HOXA1: variants seen among roughly 807,000 people sequenced by gnomAD.
HOXA1 encodes the protein homeobox A1, also known as homeobox protein Hox-A1.
HOXA1 carries 21 observed loss-of-function variants against 28.3 expected under a neutral mutation model. The observed-to-expected ratio is 0.74, with a 90% CI of 0.53 to 1.07. HOXA1 has a LOEUF of 1.07. Among genes scored for constraint, HOXA1 ranks in the 50% least tolerant of loss-of-function variants. The pLI is 0.00. For missense variants in HOXA1, 446 were observed against 434.3 expected (o/e 1.03, Z -0.24); for synonymous variants, 208 against 181.2 (o/e 1.15, Z -1.19).
Position 27,095,885 on chromosome 7 carries a change from G to A in HOXA1, c.28C>T (p.Leu10=), listed in dbSNP as rs370355386. The A allele has an allele frequency of 6.2e-7, 1 of 1,613,660 alleles. No homozygotes were observed. The highest frequency in any genetic ancestry group is 2.2e-5 in the East Asian group (1 of 44,894). Residue 10 remains leucine, a synonymous_variant, in exon 1 of 2, where the codon CTG becomes TTG. Coordinates refer to ENST00000643460, the MANE Select transcript of HOXA1 (RefSeq NM_005522.5). The part of the protein sequence containing the change: MDNARMNSF[L]EYPILSSGDS... ...CCACTGCTAAGTATGGGGTATTCCAGGAAGGAGTTCATTCTTGCATTGTCC... is the reference window on the plus strand; with the variant it reads ...CCACTGCTAAGTATGGGGTATTCCAAGAAGGAGTTCATTCTTGCATTGTCC...
rs1195883631 is a variant in HOXA1, at chr7:27,094,863, ACG to A, written c.653-70_653-69del. On this transcript the variant is annotated intron_variant, in intron 1 of 1. Coordinates refer to ENST00000643460, the MANE Select transcript of HOXA1 (RefSeq NM_005522.5). ...TTTAAATCGACTTGAGATTCCCCAC[ACG>A]CTTCATGGCAACACTCAGGTAAAGA... 3.9e-5 allele frequency: 45 copies of A among 1,154,322 alleles called. 1 individual carries two copies. In the Admixed American group the frequency reaches 7.6e-4, roughly 20 times the overall value. 71.5% of individuals were successfully genotyped at this position (1,154,322 alleles called of 1,614,324 possible).
chr7:27,095,162 G>T (rs1783788653), intron 1 of HOXA1, 99 bp downstream of exon 1: 1 of 1,331,698 alleles, frequency 7.5e-7, no homozygotes. Flanking sequence ...TGATACAAAA[G>T]CCTTTTAAAA....
rs750312129 is a variant in HOXA1, at chr7:27,095,738, C to A, written c.175G>T (p.Val59Leu). The A allele has an allele frequency of 2.2e-5, 36 of 1,612,150 alleles. No individual in the cohort carries two copies. Among genetic ancestry groups the A allele is most frequent in the Non-Finnish European group, 2.6e-5 (31 of 1,178,984 alleles). The change falls in exon 1 of 2, where the codon GTG becomes TTG. Residue 59 changes from valine to leucine, a missense_variant. Coordinates refer to ENST00000643460, the MANE Select transcript of HOXA1 (RefSeq NM_005522.5). ...GDDRFLVGRG[V>L]QIGSPHHHHH... ...TGGTGGTGGGGCGAACCGATCTGCA[C>A]CCCCCTGCCCACTAGGAAGCGGTCG...
In HOXA1 at chr7:27,095,263, G is replaced by C; in HGVS notation, c.650C>G (p.Thr217Arg). 1 of 1,614,102 alleles carries C rather than the reference G, an allele frequency of 6.2e-7. No homozygotes were observed. The highest frequency in any genetic ancestry group is 8.5e-7 in the Non-Finnish European group (1 of 1,180,006). The change falls in exon 1 of 2, where the codon ACA (threonine) becomes AGA (arginine). Residue 217 changes from threonine to arginine, a missense_variant and splice_region_variant. Transcript: ENST00000643460. ...WMKVKRNPPK[T>R]GKVGEYGYLG... ...ATCCACCAACCAGCAGGACTGACCT[G>C]TTTTGGGAGGGTTTCTTTTGACTTT...
In HOXA1 at chr7:27,094,758, G is replaced by T; in HGVS notation, c.690C>A (p.Asn230Lys). The change falls in exon 2 of 2, where the codon AAC becomes AAA. Residue 230 changes from asparagine (N) to lysine (K), a missense_variant. By Grantham distance (94) the Asn-to-Lys change is moderately conservative. Transcript: ENST00000643460. Reference protein sequence around the residue: ...VGEYGYLGQPNAVRTNFTTKQ... With the variant: ...VGEYGYLGQPKAVRTNFTTKQ... The stretch of plus-strand genomic sequence containing the variant: ...TGGTAGTGAAGTTGGTGCGCACCGC[G>T]TTGGGTTGACCCAGGTAGCCGTACT... The T allele has an allele frequency of 1.2e-6, 2 of 1,614,088 alleles. No individual in the cohort carries two copies. The highest frequency in any genetic ancestry group is 2.2e-5 in the South Asian group (2 of 91,082).
chr7:27,095,694 GCGA>G lies in HOXA1; in HGVS notation c.216_218del (p.Arg73del), dbSNP rs368428758. ...TCTGGTAGGTAGCCGGCTGGGGGTG[GCGA>G]TGGTGGTGGTGGTGGTGGTGGTGGG... is the stretch of plus-strand genomic sequence containing the variant. On this transcript the variant is annotated inframe_deletion, in exon 1 of 2. Coordinates refer to ENST00000643460, the MANE Select transcript of HOXA1 (RefSeq NM_005522.5). 0.039 allele frequency: 50,388 copies of G among 1,302,078 alleles called. 824 individuals carry two copies. Among genetic ancestry groups the G allele is most frequent in the Middle Eastern group, 0.049 (243 of 5,006 alleles). 80.7% of individuals were successfully genotyped at this position (1,302,078 alleles called of 1,614,324 possible).
chr7:27,094,516 G>A lies in HOXA1; in HGVS notation c.932C>T (p.Ser311Leu). Reference sequence around the variant, plus strand: ...GCAGGGCGAAGAGCTGGACTTCTCTGAGGATTCCTCGGCCTTCTCGTCGTT... The same window carrying A: ...GCAGGGCGAAGAGCTGGACTTCTCTAAGGATTCCTCGGCCTTCTCGTCGTT... ...PGNDEKAEESSEKSSSSPCVP... is the reference protein window; with the variant it reads ...PGNDEKAEESLEKSSSSPCVP... The change falls in exon 2 of 2, where the codon TCA becomes TTA. Residue 311 changes from serine (S) to leucine (L), a missense_variant. By Grantham distance (145) the Ser-to-Leu change is moderately radical. Coordinates refer to ENST00000643460, the MANE Select transcript of HOXA1 (RefSeq NM_005522.5). The A allele has an allele frequency of 1.9e-6, 3 of 1,614,238 alleles. No individual in the cohort carries two copies. The highest frequency in any genetic ancestry group is 2.5e-6 in the Non-Finnish European group (3 of 1,180,040).
Position 27,095,927 on chromosome 7 carries a change from C to T in HOXA1, c.-15G>A. On this transcript the variant is annotated 5_prime_UTR_variant, in exon 1 of 2. Coordinates refer to ENST00000643460, the MANE Select transcript of HOXA1 (RefSeq NM_005522.5). ...GCATTGTCCATCTGTCACTGAGTGA[C>T]CTGGTCCTGCGAAGCCCGGCGTGAC... 1.9e-6 allele frequency: 3 copies of T among 1,611,542 alleles called. No individual in the cohort carries two copies. The highest frequency in any genetic ancestry group is 1.7e-4 in the Middle Eastern group (1 of 6,020).
chr7:27,095,800 T>C lies in HOXA1; in HGVS notation c.113A>G (p.Gln38Arg). The change falls in exon 1 of 2, where the codon CAG (glutamine) becomes CGG (arginine). Residue 38 changes from glutamine to arginine, a missense_variant. Coordinates refer to ENST00000643460, the MANE Select transcript of HOXA1 (RefSeq NM_005522.5). ...ACTGTTGGCGCTGACCGCGCACGACTGGAAAGTTGTAATCCTATGGTCCGA... is the reference window on the plus strand; with the variant it reads ...ACTGTTGGCGCTGACCGCGCACGACCGGAAAGTTGTAATCCTATGGTCCGA... The part of the protein sequence containing the change: ...YPSDHRITTF[Q>R]SCAVSANSCG... The C allele has an allele frequency of 6.2e-7, 1 of 1,613,792 alleles. No individual in the cohort carries two copies. Among genetic ancestry groups the C allele is most frequent in the Non-Finnish European group, 8.5e-7 (1 of 1,179,778 alleles).
rs755351481 is a variant in HOXA1, at chr7:27,094,744, T to C, written c.704A>G (p.Asn235Ser). 9.3e-6 allele frequency: 15 copies of C among 1,614,108 alleles called. 1 individual carries two copies. The highest frequency in any genetic ancestry group is 8.3e-5 in the Admixed American group (5 of 60,026). The change falls in exon 2 of 2, where the codon AAC becomes AGC. Residue 235 changes from asparagine (N) to serine (S), a missense_variant. By Grantham distance (46) the Asn-to-Ser change is conservative. Transcript: ENST00000643460. ...TTCCGTGAGCTGCTTGGTAGTGAAG[T>C]TGGTGCGCACCGCGTTGGGTTGACC... ...YLGQPNAVRTNFTTKQLTELE... is the reference protein window; with the variant it reads ...YLGQPNAVRTSFTTKQLTELE...
chr7:27,095,363 G>A lies in HOXA1; in HGVS notation c.550C>T (p.His184Tyr). 6.2e-7 allele frequency: 1 copy of A among 1,614,030 alleles called. No individual in the cohort carries two copies. Among genetic ancestry groups the A allele is most frequent in the Non-Finnish European group, 8.5e-7 (1 of 1,179,990 alleles). Residue 184 changes from histidine to tyrosine, a missense_variant, in exon 1 of 2, where the codon CAC becomes TAC. Transcript: ENST00000643460. ...CGACAGGCTTCTTGGTGGCTGGCGT[G>A]GAGAGGGGACAAGGAGTTATTATAC... ...ATYNNSLSPLHASHQEACRSP... is the reference protein window; with the variant it reads ...ATYNNSLSPLYASHQEACRSP...
At chr7:27,095,036 AC>A (rs1343444365) in intron 1 of HOXA1, among the ~76,000 whole-genome samples, 3 of 151,776 alleles carry the variant, frequency 2.0e-5, no homozygotes, top group Non-Finnish European at 4.4e-5. Context: ...CACAATAACC[AC>A]CCCCACATAC....
chr7:27,095,333 G>A lies in HOXA1; in HGVS notation c.580C>T (p.Pro194Ser). 7.4e-6 allele frequency: 12 copies of A among 1,614,012 alleles called. No individual in the cohort carries two copies. The highest frequency in any genetic ancestry group is 9.3e-6 in the Non-Finnish European group (11 of 1,179,990). Residue 194 changes from proline to serine, a missense_variant, in exon 1 of 2, where the codon CCC (proline) becomes TCC (serine). By Grantham distance (74) the Pro-to-Ser change is moderately conservative. Transcript: ENST00000643460. Reference sequence around the variant, plus strand: ...GCTGGAGAAGATGTCTCCGATGCGGGGGAGCGACAGGCTTCTTGGTGGCTG... The same window carrying A: ...GCTGGAGAAGATGTCTCCGATGCGGAGGAGCGACAGGCTTCTTGGTGGCTG... The part of the protein sequence containing the change: ...HASHQEACRS[P>S]ASETSSPAQT...
At position 27,094,738 on chromosome 7, in the gene HOXA1, G is replaced by A. The variant is rs767117973; in HGVS notation, c.710C>T (p.Thr237Ile). ...CTCCAGTTCCGTGAGCTGCTTGGTA[G>A]TGAAGTTGGTGCGCACCGCGTTGGG... Reference protein sequence around the residue: ...GQPNAVRTNFTTKQLTELEKE... With the variant: ...GQPNAVRTNFITKQLTELEKE... The change falls in exon 2 of 2, where the codon ACT becomes ATT. Residue 237 changes from threonine to isoleucine, a missense_variant. By Grantham distance (89) the Thr-to-Ile change is moderately conservative. Coordinates refer to ENST00000643460, the MANE Select transcript of HOXA1 (RefSeq NM_005522.5). 5 of 1,614,056 alleles carry A rather than the reference G, an allele frequency of 3.1e-6. No individual in the cohort carries two copies. The East Asian group carries it at 1.1e-4, about 36-fold the overall frequency.
rs757562002 is a variant in HOXA1, at chr7:27,094,409, G to T, written c.*31C>A. The T allele has an allele frequency of 2.1e-6, 3 of 1,438,840 alleles. No homozygotes were observed. The highest frequency in any genetic ancestry group is 2.9e-6 in the Non-Finnish European group (3 of 1,020,650). 89.1% of individuals were successfully genotyped at this position (1,438,840 alleles called of 1,614,324 possible). A position where few individuals can be genotyped will look rare whatever the true frequency, so the allele number is the denominator to read the frequency against. On this transcript the variant is annotated 3_prime_UTR_variant, in exon 2 of 2. Transcript: ENST00000643460. ...GTAAGAAGTCCCAGCCCAAGGAGAT[G>T]CCTGGGCTGTTGTCTGGGGCTGGAG...
Position 27,094,477 on chromosome 7 carries a change from C to T in HOXA1, c.971G>A (p.Gly324Glu). 6.2e-7 allele frequency: 1 copy of T among 1,614,138 alleles called. No homozygotes were observed. Among genetic ancestry groups the T allele is most frequent in the Non-Finnish European group, 8.5e-7 (1 of 1,180,014 alleles). Residue 324 changes from glycine (G) to glutamate (E), a missense_variant, in exon 2 of 2, where the codon GGG becomes GAG. Transcript: ENST00000643460. ...SSSSPCVPSP[G>E]SSTSDTLTTS... is the part of the protein sequence containing the mutation. ...AGTCAGAGTGTCTGAGGTAGAAGAC[C>T]CCGGGGAAGGAACGCAGGGCGAAGA...
chr7:27,095,814 C>T lies in HOXA1; in HGVS notation c.99G>A (p.Arg33=), dbSNP rs768882831. 2 of 1,613,886 alleles carry T rather than the reference C, an allele frequency of 1.2e-6. No individual in the cohort carries two copies. The highest frequency in any genetic ancestry group is 2.7e-5 in the African/African-American group (2 of 74,896). The part of the protein sequence containing the change: ...CSARAYPSDH[R]ITTFQSCAVS... ...CCGCGCACGACTGGAAAGTTGTAATCCTATGGTCCGAGGGGTAGGCTCGGG... is the reference window on the plus strand; with the variant it reads ...CCGCGCACGACTGGAAAGTTGTAATTCTATGGTCCGAGGGGTAGGCTCGGG... The change falls in exon 1 of 2, where the codon AGG becomes AGA. Residue 33 remains arginine, a synonymous_variant. Transcript: ENST00000643460.
chr7:27,094,259 C>T lies in HOXA1; in HGVS notation c.*181G>A, dbSNP rs145102625. The T allele has an allele frequency of 5.3e-3, 3,199 of 607,168 alleles. 17 individuals carry two copies. The highest frequency in any genetic ancestry group is 7.8e-3 in the Non-Finnish European group (2,655 of 341,140). 37.6% of individuals were successfully genotyped at this position (607,168 alleles called of 1,614,324 possible). A position where few individuals can be genotyped will look rare whatever the true frequency, so the allele number is the denominator to read the frequency against. ...AATCTGGATGAAGGTGTTAACCCCGCACCAAGTCTCTGGTCCAGAATTATC... is the reference window on the plus strand; with the variant it reads ...AATCTGGATGAAGGTGTTAACCCCGTACCAAGTCTCTGGTCCAGAATTATC... On this transcript the variant is annotated 3_prime_UTR_variant, in exon 2 of 2. Transcript: ENST00000643460.
At position 27,094,608 on chromosome 7, in the gene HOXA1, G is replaced by T. The variant is rs1562699065; in HGVS notation, c.840C>A (p.Arg280=). 6.2e-7 allele frequency: 1 copy of T among 1,614,178 alleles called. No individual in the cohort carries two copies. Among genetic ancestry groups the T allele is most frequent in the Non-Finnish European group, 8.5e-7 (1 of 1,180,044 alleles). The change falls in exon 2 of 2, where the codon CGC becomes CGA. Residue 280 remains arginine, a synonymous_variant. Transcript: ENST00000643460. ...ETQVKIWFQN[R]RMKQKKREKE... ...TCTCACGTTTCTTTTGCTTCATTCG[G>T]CGGTTCTGGAACCAGATCTTCACTT...
Sources: gnomAD v4.1 joint callset for allele counts (sites outside exome capture counted in the v4.1 genomes callset) on GRCh38, gnomAD v4.1.1 for gene constraint, MANE v1.5 for transcripts, NCBI Gene and HGNC (gene_info 2026-07-23, HGNC 2026-07-21) for gene names.